SLC38A12: variants seen among roughly 807,000 people sequenced by gnomAD.
SLC38A12 encodes putative sodium-coupled neutral amino acid transporter 12.
At chr17:74,838,721 CTT>C in the SLC38A12 span, 1 of 1,442,602 alleles carries the variant, frequency 6.9e-7, no homozygotes, top group East Asian at 2.5e-5. Context: ...CGATGCCAGG[CTT>C]CTGCCGCTGA....
At chr17:74,785,803 G>A in the SLC38A12 span, 8 of 628,584 alleles carry the variant, frequency 1.3e-5, no homozygotes, top group South Asian at 3.9e-5. Context: ...TTTGTGGAGC[G>A]GTTGCACAGC....
the SLC38A12 span, among the ~76,000 whole-genome samples, chr17:74,809,498 A>T: frequency 6.6e-6 from 1 of 152,020 alleles, no homozygotes; most frequent in South Asian, 2.1e-4. Context: ...CGCACAGGGG[A>T]GTCCAGGCAG....
the SLC38A12 span, among the ~76,000 whole-genome samples, chr17:74,829,819 G>A: frequency 6.6e-6 from 1 of 151,530 alleles, no homozygotes; most frequent in Non-Finnish European, 1.5e-5. This position sits in a 1 kb window ranked among gnomAD's most constrained non-coding sequence, Gnocchi z 4.1. Context: ...GCCTGGGAAG[G>A]TCACCCAACT....
the SLC38A12 span, among the ~76,000 whole-genome samples, chr17:74,779,758 G>A: frequency 4.3e-4 from 65 of 152,340 alleles, no homozygotes; most frequent in Non-Finnish European, 7.1e-4. Context: ...CAGCCCACGC[G>A]CATTTACAAG....
chr17:74,804,989 TTAA>T, the SLC38A12 span, among the ~76,000 whole-genome samples: 1 of 152,250 alleles, frequency 6.6e-6, no homozygotes, highest in African/African-American at 2.4e-5. Context: ...CTTCGGGCTC[TTAA>T]TAAAAATGTA....
chr17:74,790,218 T>A, the SLC38A12 span: 14 of 1,614,058 alleles, frequency 8.7e-6, no homozygotes, highest in Non-Finnish European at 1.2e-5. Flanking sequence ...AGATGACGAC[T>A]CCTCCACAGC....
At chr17:74,791,051 G>T in the SLC38A12 span, 4 of 1,611,572 alleles carry the variant, frequency 2.5e-6, no homozygotes, top group Middle Eastern at 1.7e-4. Context: ...AAGTTCTTTT[G>T]GGGGTGGGGT....
At chr17:74,819,621 GT>G in the SLC38A12 span, 2 of 823,006 alleles carry the variant, frequency 2.4e-6, no homozygotes, top group Non-Finnish European at 4.1e-6. Flanking sequence ...GCCTCTGCCA[GT>G]CCAGGTGTGC....
the SLC38A12 span, chr17:74,790,297 G>A: frequency 3.6e-5 from 58 of 1,613,622 alleles, no homozygotes; most frequent in Non-Finnish European, 4.3e-5. Context: ...CTGTCTGTGC[G>A]TAAGTCTTGG....
the SLC38A12 span, among the ~76,000 whole-genome samples, chr17:74,825,068 G>A: frequency 6.6e-5 from 10 of 152,196 alleles, no homozygotes; most frequent in Admixed American, 6.5e-4. Context: ...GCCCACTGCT[G>A]CCAGCTTGGT....
the SLC38A12 span, among the ~76,000 whole-genome samples, chr17:74,827,327 G>T: frequency 6.9e-6 from 1 of 144,756 alleles, no homozygotes. This position sits in a 1 kb window ranked among gnomAD's most constrained non-coding sequence, Gnocchi z 4.7. Context: ...ACAGAGTCTC[G>T]CTCTGTCGCC....
chr17:74,790,031 G>A, the SLC38A12 span, among the ~76,000 whole-genome samples: 10 of 149,862 alleles, frequency 6.7e-5, no homozygotes, highest in Admixed American at 6.7e-4. Context: ...ACGGCTCACT[G>A]CAGCCTCGAT....
the SLC38A12 span, among the ~76,000 whole-genome samples, chr17:74,809,422 C>G: frequency 6.6e-6 from 1 of 152,100 alleles, no homozygotes; most frequent in East Asian, 1.9e-4. Flanking sequence ...GAGTCGTGAG[C>G]GGTGCCACAG....
At chr17:74,808,141 C>T in the SLC38A12 span, among the ~76,000 whole-genome samples, 1 of 152,260 alleles carries the variant, frequency 6.6e-6, no homozygotes, top group East Asian at 1.9e-4. Flanking sequence ...CCCACACAGG[C>T]AGGCAGCTTG....
chr17:74,795,871 C>T, the SLC38A12 span, among the ~76,000 whole-genome samples: 1 of 152,198 alleles, frequency 6.6e-6, no homozygotes. Flanking sequence ...GGAGTAGGCA[C>T]TCAGGTCATA....
chr17:74,819,729 A>G, the SLC38A12 span: 2 of 1,611,602 alleles, frequency 1.2e-6, no homozygotes, highest in Non-Finnish European at 1.7e-6. Flanking sequence ...CACCCTCCTC[A>G]CTCTTGTTTC....
the SLC38A12 span, among the ~76,000 whole-genome samples, chr17:74,799,216 C>T: frequency 6.6e-6 from 1 of 152,252 alleles, no homozygotes; most frequent in African/African-American, 2.4e-5. Flanking sequence ...AGCCTCTCAC[C>T]ATTAGGAAGA....
chr17:74,832,201 C>CT, the SLC38A12 span, among the ~76,000 whole-genome samples: 1 of 152,068 alleles, frequency 6.6e-6, no homozygotes, highest in Non-Finnish European at 1.5e-5. Context: ...CCCTTCCTTC[C>CT]TCCTTTCCTT....
the SLC38A12 span, among the ~76,000 whole-genome samples, chr17:74,803,434 C>G: frequency 1.3e-5 from 2 of 152,062 alleles, no homozygotes; most frequent in Admixed American, 6.5e-5. Context: ...AAGTATATAC[C>G]CGAGCCCCAC....
Sources: allele counts gnomAD v4.1 joint callset (sites outside exome capture counted in the v4.1 genomes callset), GRCh38; gene constraint gnomAD v4.1.1; non-coding constraint Gnocchi (gnomAD v3.1); transcripts MANE v1.5; gene names NCBI Gene and HGNC (gene_info 2026-07-23, HGNC 2026-07-21).